The following UBA6 variants were observed in gnomAD, a reference collection of about 807,000 sequenced individuals.
The protein encoded by UBA6 is ubiquitin-like modifier-activating enzyme 6.
In UBA6, 87 loss-of-function variants were observed where a neutral mutation model predicts 148.3. The observed-to-expected ratio is 0.59, with a 90% CI of 0.49 to 0.70. The LOEUF (loss-of-function observed/expected upper bound fraction) is 0.70. UBA6 is among the 30% of genes least tolerant of loss of function. The pLI is 0.00. For synonymous variants in UBA6, 376 were observed against 401.0 expected (o/e 0.94, Z 0.75); for missense variants, 1,186 against 1,241.2 (o/e 0.96, Z 0.67).
intron 32 of UBA6, among the ~76,000 whole-genome samples, chr4:67,621,806 AAAAC>A (rs1334747374): frequency 2.6e-5 from 4 of 152,360 alleles, no homozygotes; most frequent in East Asian, 3.9e-4. Context: ...CTCCGTCTCA[AAAAC>A]AAACAAACAA....
At chr4:67,630,081 TAACA>T (rs1728961529) in intron 26 of UBA6, among the ~76,000 whole-genome samples, 2 of 144,958 alleles carry the variant, frequency 1.4e-5, no homozygotes, top group Admixed American at 6.8e-5. Flanking sequence ...TATCACAAAA[TAACA>T]AACAAATGTT....
rs1259455540 is a variant in UBA6 at position 67,617,078 on chromosome 4, G to A, written c.*1919C>T. 1 of 152,002 alleles carries A rather than the reference G, an allele frequency of 6.6e-6. No individual in the cohort carries two copies. Among genetic ancestry groups the A allele is most frequent in the Admixed American group, 6.6e-5 (1 of 15,260 alleles). The allele number at this position is 152,002 out of a possible 1,614,324, so 9.4% of individuals were successfully genotyped here. A position where few individuals can be genotyped will look rare whatever the true frequency, so the allele number is the denominator to read the frequency against. ...TCACAAAATGAACTTAATTTTTGTT[G>A]ATTTTGTTTTATCTGCTAAAACACT... On this transcript the variant is annotated 3_prime_UTR_variant, in exon 33 of 33. Transcript: ENST00000322244.
intron 3 of UBA6, 110 bp from the exon 4 acceptor site, chr4:67,681,701 A>G: frequency 2.9e-6 from 2 of 680,446 alleles, no homozygotes; most frequent in Non-Finnish European, 2.4e-6. Context: ...TTCTTTTTTT[A>G]CTACTTAATA....
chr4:67,666,385 T>G (rs1329668499), intron 9 of UBA6, among the ~76,000 whole-genome samples: 1 of 150,502 alleles, frequency 6.6e-6, no homozygotes, highest in Non-Finnish European at 1.5e-5. Context: ...ATGTAATATA[T>G]ACTATATATG....
chr4:67,658,974 T>C (rs1367719265), intron 13 of UBA6, among the ~76,000 whole-genome samples: 3 of 152,192 alleles, frequency 2.0e-5, no homozygotes, highest in Non-Finnish European at 2.9e-5. Context: ...TCTGAATTGA[T>C]TGTGTACAAA....
chr4:67,653,187 T>G lies in UBA6; in HGVS notation c.1105-3976A>C, dbSNP rs531347131. Among the ~76,000 whole-genome samples, 6 of 152,254 alleles carry G rather than the reference T, an allele frequency of 3.9e-5. No individual in the cohort carries two copies. The South Asian group carries it at 1.2e-3, about 32-fold the overall frequency. ...GAAGAGAGCAGTGGTTCTCATAGCATGGCGTTCAAGCTCTGAGAACAGACA... is the reference window on the plus strand; with the variant it reads ...GAAGAGAGCAGTGGTTCTCATAGCAGGGCGTTCAAGCTCTGAGAACAGACA... On this transcript the variant is annotated intron_variant, in intron 13 of 32. Transcript: ENST00000322244.
At chr4:67,622,266 T>C (rs1002881802) in intron 32 of UBA6, among the ~76,000 whole-genome samples, 3 of 152,222 alleles carry the variant, frequency 2.0e-5, no homozygotes, top group Non-Finnish European at 2.9e-5. Context: ...GAGACTATGA[T>C]AGGCAAAGGG....
At chr4:67,621,337 C>G (rs917759638) in intron 32 of UBA6, among the ~76,000 whole-genome samples, 1 of 152,174 alleles carries the variant, frequency 6.6e-6, no homozygotes, top group Non-Finnish European at 1.5e-5. Context: ...CCAATAGATA[C>G]GTTAAACACA....
intron 1 of UBA6, among the ~76,000 whole-genome samples, chr4:67,697,343 A>G (rs934658387): frequency 6.6e-6 from 1 of 152,194 alleles, no homozygotes; most frequent in Non-Finnish European, 1.5e-5. Flanking sequence ...TATTTCAGCA[A>G]TTCTGTACCA....
intron 2 of UBA6, among the ~76,000 whole-genome samples, chr4:67,683,852 T>C (rs888860420): frequency 1.3e-5 from 2 of 152,056 alleles, no homozygotes; most frequent in African/African-American, 2.4e-5. Flanking sequence ...ATGGGTGGAT[T>C]ACTTGAGCTC....
chr4:67,699,816 T>C (rs1157159361), intron 1 of UBA6, among the ~76,000 whole-genome samples: 3 of 152,162 alleles, frequency 2.0e-5, no homozygotes, highest in Non-Finnish European at 4.4e-5. Flanking sequence ...TTGCCCAGGC[T>C]AGTCTAAGAA....
rs575195815 is a variant in UBA6, at chr4:67,646,457, G to T, written c.1316+267C>A. On this transcript the variant is annotated intron_variant, in intron 15 of 32. Transcript: ENST00000322244. ...ATTACCTATATAAATAAAGACTGCA[G>T]ATAGCAGTTTTTTTCCATCTAATGT... Among the ~76,000 whole-genome samples, 49 of 152,266 alleles carry T rather than the reference G, an allele frequency of 3.2e-4. 1 individual carries two copies. Among genetic ancestry groups the T allele is most frequent in the African/African-American group, 1.1e-3 (46 of 41,564 alleles).
In UBA6 at chr4:67,615,565, T is replaced by C. The variant is rs529002560; in HGVS notation, c.*3432A>G. 6.6e-6 allele frequency: 1 copy of C among 152,350 alleles called. No individual in the cohort carries two copies. Among genetic ancestry groups the C allele is most frequent in the Admixed American group, 6.5e-5 (1 of 15,292 alleles). The allele number at this position is 152,350 out of a possible 1,614,324, so 9.4% of individuals were successfully genotyped here. Reference sequence around the variant, plus strand: ...TCTACTCCTAAATATATACTCTTTGTACTAGGAGTTACATAAAATGATGTT... The same window carrying C: ...TCTACTCCTAAATATATACTCTTTGCACTAGGAGTTACATAAAATGATGTT... On this transcript the variant is annotated 3_prime_UTR_variant, in exon 33 of 33. Transcript: ENST00000322244.
At chr4:67,691,154 G>T (rs1224016972) in intron 2 of UBA6, among the ~76,000 whole-genome samples, 1 of 151,192 alleles carries the variant, frequency 6.6e-6, no homozygotes, top group Non-Finnish European at 1.5e-5. Context: ...AAAAACTCAC[G>T]GATGAACTTT....
intron 9 of UBA6, among the ~76,000 whole-genome samples, chr4:67,665,839 ATTTCTCAGATAAAAGCATGG>A (rs1411460585): frequency 6.6e-6 from 1 of 152,184 alleles, no homozygotes; most frequent in Non-Finnish European, 1.5e-5. Flanking sequence ...GATGCTCATA[ATTTCTCAGATAAAAGCATGG>A]GAGAAAAATT....
chr4:67,675,078 C>T (rs1035855471), intron 6 of UBA6, among the ~76,000 whole-genome samples: 1 of 152,246 alleles, frequency 6.6e-6, no homozygotes, highest in Non-Finnish European at 1.5e-5. Flanking sequence ...CCATGCTGGC[C>T]AGGCTGGTCT....
In UBA6 at chr4:67,673,812, T is replaced by C. The variant is rs1034586944; in HGVS notation, c.466-35A>G. The C allele has an allele frequency of 6.2e-6, 9 of 1,459,596 alleles. No individual in the cohort carries two copies. The African/African-American group carries it at 7.2e-5, about 12-fold the overall frequency. 90.4% of individuals were successfully genotyped at this position (1,459,596 alleles called of 1,614,324 possible). On this transcript the variant is annotated intron_variant, in intron 6 of 32. Transcript: ENST00000322244. ...AAACAACAAATTAAAAACTAGAAAA[T>C]ACATAATTATTTTTTGTAGTATACA...
At chr4:67,697,600 G>A (rs141654432) in intron 1 of UBA6, among the ~76,000 whole-genome samples, 220 of 152,090 alleles carry the variant, frequency 1.4e-3, no homozygotes, top group African/African-American at 4.9e-3. Context: ...CTCATTTTCC[G>A]CTACCATCAT....
At chr4:67,658,532 C>T (rs1028415727) in intron 13 of UBA6, among the ~76,000 whole-genome samples, 5 of 152,086 alleles carry the variant, frequency 3.3e-5, no homozygotes, top group East Asian at 3.9e-4. Context: ...GGGAACAACA[C>T]GCACTGGGGC....
Sources: gnomAD v4.1 joint callset for allele counts (sites outside exome capture counted in the v4.1 genomes callset) on GRCh38, gnomAD v4.1.1 for gene constraint, MANE v1.5 for transcripts, NCBI Gene and HGNC (gene_info 2026-07-23, HGNC 2026-07-21) for gene names.